The following AFG2A variants were observed in gnomAD, a reference collection of about 807,000 sequenced individuals.
AFG2A encodes the protein ATPase family gene 2 protein homolog A.
the AFG2A span, among the ~76,000 whole-genome samples, chr4:123,199,270 T>A: frequency 6.6e-6 from 1 of 152,104 alleles, no homozygotes; most frequent in Non-Finnish European, 1.5e-5. Flanking sequence ...AAATCCTGAT[T>A]TTTAAATATA....
At chr4:122,993,019 T>C in the AFG2A span, among the ~76,000 whole-genome samples, 1 of 148,764 alleles carries the variant, frequency 6.7e-6, no homozygotes, top group East Asian at 2.0e-4. Context: ...GGAGTCTCAC[T>C]CTGTCGCCTA....
chr4:123,047,911 C>T, the AFG2A span, among the ~76,000 whole-genome samples: 3 of 152,030 alleles, frequency 2.0e-5, no homozygotes, highest in East Asian at 1.9e-4. Flanking sequence ...TGATATGTTG[C>T]GCAGGCTCAA....
At chr4:123,199,867 ATCTG>A in the AFG2A span, among the ~76,000 whole-genome samples, 118 of 152,222 alleles carry the variant, frequency 7.8e-4, no homozygotes, top group Non-Finnish European at 1.3e-3. Context: ...GTATAAAAAT[ATCTG>A]CTTTCATGTA....
the AFG2A span, among the ~76,000 whole-genome samples, chr4:123,191,125 A>T: frequency 6.6e-6 from 1 of 152,128 alleles, no homozygotes; most frequent in Non-Finnish European, 1.5e-5. Flanking sequence ...GCTGGGGAGG[A>T]ACATTGTTTG....
chr4:123,279,800 T>C, the AFG2A span, among the ~76,000 whole-genome samples: 5 of 152,204 alleles, frequency 3.3e-5, no homozygotes, highest in Non-Finnish European at 5.9e-5. Flanking sequence ...CTGTTATCAG[T>C]AGATCATCAA....
At chr4:123,287,686 TA>T in the AFG2A span, among the ~76,000 whole-genome samples, 1 of 152,128 alleles carries the variant, frequency 6.6e-6, no homozygotes, top group South Asian at 2.1e-4. Context: ...CATCTAATAT[TA>T]GCAACGAAAA....
the AFG2A span, chr4:122,933,525 T>C: frequency 6.3e-7 from 1 of 1,590,424 alleles, no homozygotes; most frequent in Non-Finnish European, 8.6e-7. Context: ...AATTGTTTTC[T>C]TAAGTTTTAA....
chr4:123,146,796 TTC>T, the AFG2A span, among the ~76,000 whole-genome samples: 1 of 75,598 alleles, frequency 1.3e-5, no homozygotes, highest in Non-Finnish European at 4.0e-5. Flanking sequence ...TCTCATTTTT[TTC>T]CCTCATGATT....
chr4:123,238,647 G>C, the AFG2A span, among the ~76,000 whole-genome samples: 1 of 152,156 alleles, frequency 6.6e-6, no homozygotes, highest in Non-Finnish European at 1.5e-5. Context: ...AACATCAACA[G>C]AAAGGACTTC....
chr4:123,145,951 TC>T, the AFG2A span, among the ~76,000 whole-genome samples: 2 of 152,158 alleles, frequency 1.3e-5, no homozygotes, highest in Non-Finnish European at 2.9e-5. Flanking sequence ...TAGCAGTACT[TC>T]AGAACAATTT....
At chr4:123,111,683 A>G in the AFG2A span, among the ~76,000 whole-genome samples, 3 of 152,236 alleles carry the variant, frequency 2.0e-5, no homozygotes, top group Non-Finnish European at 4.4e-5. Flanking sequence ...CTTTAATATT[A>G]TACAAGTATT....
At chr4:123,164,157 A>G in the AFG2A span, among the ~76,000 whole-genome samples, 3 of 152,156 alleles carry the variant, frequency 2.0e-5, no homozygotes, top group African/African-American at 7.2e-5. Context: ...AGTCACCCCA[A>G]GATCTGCCTT....
chr4:123,104,986 AAAC>A, the AFG2A span, among the ~76,000 whole-genome samples: 1 of 152,240 alleles, frequency 6.6e-6, no homozygotes, highest in African/African-American at 2.4e-5. Context: ...GTGGTTAACT[AAAC>A]AACAGATTTT....
chr4:123,133,763 A>G, the AFG2A span, among the ~76,000 whole-genome samples: 2 of 152,182 alleles, frequency 1.3e-5, no homozygotes, highest in African/African-American at 4.8e-5. Flanking sequence ...AACGGTGGAT[A>G]AGGATTCCCT....
chr4:123,025,266 C>T, the AFG2A span, among the ~76,000 whole-genome samples: 1 of 152,170 alleles, frequency 6.6e-6, no homozygotes, highest in Non-Finnish European at 1.5e-5. Flanking sequence ...AATATTAAGC[C>T]ACAATCCAGA....
the AFG2A span, among the ~76,000 whole-genome samples, chr4:123,122,981 G>T: frequency 6.6e-6 from 1 of 151,960 alleles, no homozygotes; most frequent in Admixed American, 6.6e-5. Context: ...TGCAGGGAAA[G>T]CTTTTGTCAG....
chr4:123,281,311 A>G, the AFG2A span, among the ~76,000 whole-genome samples: 3 of 152,212 alleles, frequency 2.0e-5, no homozygotes, highest in Non-Finnish European at 4.4e-5. Context: ...AATATTAGAA[A>G]GCAAATGGCT....
At chr4:123,111,031 A>G in the AFG2A span, among the ~76,000 whole-genome samples, 1 of 152,232 alleles carries the variant, frequency 6.6e-6, no homozygotes, top group East Asian at 1.9e-4. Flanking sequence ...TTTTCATAAC[A>G]TAGTATGCTT....
At chr4:123,028,958 G>C in the AFG2A span, among the ~76,000 whole-genome samples, 1 of 152,164 alleles carries the variant, frequency 6.6e-6, no homozygotes, top group Non-Finnish European at 1.5e-5. Flanking sequence ...TTTAGGACCA[G>C]ATATTAATTT....
Sources: gnomAD v4.1 joint callset for allele counts (sites outside exome capture counted in the v4.1 genomes callset) on GRCh38, gnomAD v4.1.1 for gene constraint, MANE v1.5 for transcripts, NCBI Gene and HGNC (gene_info 2026-07-23, HGNC 2026-07-21) for gene names.